PANK1: variants seen among roughly 807,000 people sequenced by gnomAD.
PANK1 encodes pantothenic acid kinase 1.
In PANK1, 18 loss-of-function variants were observed where a neutral mutation model predicts 40.1. The observed-to-expected ratio is 0.45, with a 90% CI of 0.31 to 0.67. The LOEUF is 0.67. Among genes scored for constraint, PANK1 ranks in the 30% least tolerant of loss-of-function variants. PANK1 has a pLI of 0.06. For synonymous variants in PANK1, 242 were observed against 237.7 expected (o/e 1.02, Z -0.17); for missense variants, 457 against 599.6 (o/e 0.76, Z 2.48).
intron 5 of PANK1, among the ~76,000 whole-genome samples, chr10:89,589,132 C>T (rs1844292273): frequency 6.6e-6 from 1 of 152,068 alleles, no homozygotes; most frequent in Non-Finnish European, 1.5e-5. Flanking sequence ...CCTCAATCCC[C>T]CAACTTCTAG....
chr10:89,594,100 G>T, intron 3 of PANK1, 111 bp from the exon 4 acceptor site: 1 of 718,962 alleles, frequency 1.4e-6, no homozygotes, highest in Non-Finnish European at 2.4e-6. Flanking sequence ...ACGAACAAAG[G>T]GGCACTTGAA....
intron 2 of PANK1, among the ~76,000 whole-genome samples, chr10:89,604,643 G>A (rs974875551): frequency 6.4e-5 from 9 of 140,782 alleles, no homozygotes; most frequent in African/African-American, 1.6e-4. Context: ...GCAGTGAGCC[G>A]AGATCGCATC....
intron 3 of PANK1, among the ~76,000 whole-genome samples, chr10:89,595,816 TAA>T (rs1192374008): frequency 0.026 from 1,070 of 40,604 alleles, 43 homozygotes; most frequent in Non-Finnish European, 0.03. Context: ...GACTCCATCT[TAA>T]AAAAAAAAAA....
At chr10:89,635,862 T>G (rs952196980) in intron 1 of PANK1, among the ~76,000 whole-genome samples, 2 of 152,362 alleles carry the variant, frequency 1.3e-5, no homozygotes, top group Non-Finnish European at 2.9e-5. Context: ...AGGGATAGTC[T>G]TAAGTCAATC....
chr10:89,585,106 T>A (rs921366538), intron 6 of PANK1, among the ~76,000 whole-genome samples: 11 of 152,116 alleles, frequency 7.2e-5, no homozygotes, highest in Non-Finnish European at 1.2e-4. Flanking sequence ...TTCTCACAGT[T>A]CTAGAGGCTG....
chr10:89,584,390 C>T lies in PANK1; in HGVS notation c.*16G>A. ...TCTCTGTCCTTTTGGGAGGCTGTTTCCTCCACTGCTCGTCTCTACTTGTCA... is the reference window on the plus strand; with the variant it reads ...TCTCTGTCCTTTTGGGAGGCTGTTTTCTCCACTGCTCGTCTCTACTTGTCA... On this transcript the variant is annotated 3_prime_UTR_variant, in exon 7 of 7. Transcript: ENST00000307534. 1.3e-6 allele frequency: 2 copies of T among 1,563,326 alleles called. No homozygotes were observed. The highest frequency in any genetic ancestry group is 2.2e-5 in the East Asian group (1 of 44,648).
chr10:89,610,254 G>C (rs1845112959), intron 2 of PANK1, among the ~76,000 whole-genome samples: 1 of 152,160 alleles, frequency 6.6e-6, no homozygotes, highest in Non-Finnish European at 1.5e-5. Flanking sequence ...TAGTCACCCA[G>C]CTGATGAAAT....
At position 89,611,689 on chromosome 10, in the gene PANK1, G is replaced by A. The variant is rs72818709; in HGVS notation, c.645+7C>T. The stretch of plus-strand genomic sequence containing the variant: ...TTGATGTTTTAACAAAGACAAACCC[G>A]ACCTACCATTCTGAAGTCCTCTTCG... On this transcript the variant is annotated splice_region_variant and intron_variant, in intron 2 of 6. Coordinates refer to ENST00000307534, the MANE Select transcript of PANK1 (RefSeq NM_148977.3). 274,796 of 1,587,104 alleles carry A rather than the reference G, an allele frequency of 0.17. 26,888 individuals are homozygous for A. The highest frequency in any genetic ancestry group is 0.46 in the East Asian group (20,431 of 44,508).
At chr10:89,639,289 C>T (rs1221602706) in intron 1 of PANK1, 6 of 431,536 alleles carry the variant, frequency 1.4e-5, no homozygotes, top group East Asian at 7.0e-5. Context: ...AGTCCTTTTA[C>T]AATTGGCATT....
chr10:89,601,905 C>T (rs896947354), intron 2 of PANK1, among the ~76,000 whole-genome samples: 3 of 152,224 alleles, frequency 2.0e-5, no homozygotes, highest in African/African-American at 7.2e-5. Flanking sequence ...ATTCCACAGC[C>T]TTCCATTGCA....
At chr10:89,595,833 AAT>A (rs369831755) in intron 3 of PANK1, among the ~76,000 whole-genome samples, 387 of 33,734 alleles carry the variant, frequency 0.011, 1 homozygote, top group Middle Eastern at 0.021. Flanking sequence ...AAAAAAAAAA[AAT>A]ATATATATAT....
chr10:89,598,264 C>T (rs1040171174), intron 3 of PANK1, among the ~76,000 whole-genome samples: 2 of 152,214 alleles, frequency 1.3e-5, no homozygotes, highest in African/African-American at 4.8e-5. Flanking sequence ...AAGCAATGTT[C>T]TCCTCCTAAT....
chr10:89,644,076 TG>T (rs904760279), intron 1 of PANK1: 6 of 246,644 alleles, frequency 2.4e-5, no homozygotes, highest in African/African-American at 6.7e-5. Flanking sequence ...GCTGTGATTT[TG>T]GGGGGTAGTT....
At chr10:89,638,505 G>A (rs1198003532) in intron 1 of PANK1, among the ~76,000 whole-genome samples, 1 of 152,158 alleles carries the variant, frequency 6.6e-6, no homozygotes, top group African/African-American at 2.4e-5. Flanking sequence ...CACATGGCCA[G>A]GATGAGAATC....
At chr10:89,609,142 G>A (rs564428639) in intron 2 of PANK1, among the ~76,000 whole-genome samples, 3 of 152,298 alleles carry the variant, frequency 2.0e-5, no homozygotes, top group East Asian at 3.9e-4. Flanking sequence ...TCGGCTCACT[G>A]TAACCTTGAT....
chr10:89,627,231 GA>G (rs34086662), intron 1 of PANK1, among the ~76,000 whole-genome samples: 7,526 of 136,646 alleles, frequency 0.055, 246 homozygotes, highest in African/African-American at 0.1. Flanking sequence ...GAAAATATTT[GA>G]AAAAAAAAAA....
At chr10:89,594,432 T>C (rs774672476) in intron 3 of PANK1, among the ~76,000 whole-genome samples, 6 of 152,230 alleles carry the variant, frequency 3.9e-5, no homozygotes, top group Non-Finnish European at 7.3e-5. Flanking sequence ...TGTGTGTACA[T>C]AAAGCATAGT....
intron 1 of PANK1, among the ~76,000 whole-genome samples, chr10:89,624,157 T>G (rs1332037158): frequency 6.6e-6 from 1 of 152,218 alleles, no homozygotes; most frequent in African/African-American, 2.4e-5. Flanking sequence ...CTGAGGCATG[T>G]AGAAGTATTA....
chr10:89,595,400 G>A (rs972682535), intron 3 of PANK1, among the ~76,000 whole-genome samples: 2 of 152,116 alleles, frequency 1.3e-5, no homozygotes, highest in Non-Finnish European at 2.9e-5. Context: ...GCAGTGAGCC[G>A]GGATTGTGCC....
Sources: allele counts gnomAD v4.1 joint callset (sites outside exome capture counted in the v4.1 genomes callset), GRCh38; gene constraint gnomAD v4.1.1; transcripts MANE v1.5; gene names NCBI Gene and HGNC (gene_info 2026-07-23, HGNC 2026-07-21).